UGT1A7: variants seen among roughly 807,000 people sequenced by gnomAD.
The protein encoded by UGT1A7 is UDP-glucuronosyltransferase 1A7.
UGT1A7 carries 33 observed loss-of-function variants against 45.6 expected under a neutral mutation model. That is an observed-to-expected ratio of 0.72 (90% CI 0.55 to 0.97). The LOEUF is 0.97. Ranked by LOEUF, UGT1A7 falls within the 50% of genes least tolerant of loss-of-function variation. The pLI is 0.00. For synonymous variants in UGT1A7, 274 were observed against 250.6 expected (o/e 1.09, Z -0.88); for missense variants, 684 against 666.2 (o/e 1.03, Z -0.29).
In UGT1A7 at chr2:233,761,168, G is replaced by T. The variant is rs747133515; in HGVS notation, c.856-5866G>T. 6 of 1,614,050 alleles carry T rather than the reference G, an allele frequency of 3.7e-6. No individual in the cohort carries two copies. In the African/African-American group the frequency reaches 8.0e-5, roughly 22 times the overall value. On this transcript the variant is annotated intron_variant, in intron 1 of 4. Transcript: ENST00000373426. ...CTATCCCAGGTGTGTATTGGAGTGG[G>T]ACTTTTACATGCGTATATTCTTTCA...
In UGT1A7 at chr2:233,768,295, C is replaced by G; in HGVS notation, c.1151C>G (p.Pro384Arg). The part of the protein sequence containing the change: ...GVYESICNGV[P>R]MVMMPLFGDQ... ...TATGAAAGCATATGCAATGGCGTTC[C>G]CATGGTGATGATGCCCTTGTTTGGT... The change falls in exon 4 of 5, where the codon CCC (proline) becomes CGC (arginine). Residue 384 changes from proline (P) to arginine (R), a missense_variant. Physicochemically the swap from Pro to Arg is moderately radical, Grantham distance 103 (BLOSUM62 -2). Transcript: ENST00000373426. 6.2e-7 allele frequency: 1 copy of G among 1,614,158 alleles called. No individual in the cohort carries two copies. Among genetic ancestry groups the G allele is most frequent in the Admixed American group, 1.7e-5 (1 of 60,024 alleles).
chr2:233,762,062 A>G (rs1056836551), intron 1 of UGT1A7, among the ~76,000 whole-genome samples: 8 of 152,148 alleles, frequency 5.3e-5, no homozygotes, highest in Non-Finnish European at 8.8e-5. Flanking sequence ...TTCATAGCAC[A>G]TCAAATATGG....
In UGT1A7 at chr2:233,729,602, C is replaced by T. The variant is rs746977069; in HGVS notation, c.856-37432C>T. 10 of 1,613,864 alleles carry T rather than the reference C, an allele frequency of 6.2e-6. No homozygotes were observed. Among genetic ancestry groups the T allele is most frequent in the African/African-American group, 5.3e-5 (4 of 74,870 alleles). On this transcript the variant is annotated intron_variant, in intron 1 of 4. Coordinates refer to ENST00000373426, the MANE Select transcript of UGT1A7 (RefSeq NM_019077.3). ...ACAGACCCCGTTAACCTCTGCGCGG[C>T]AGTGCTGGCTAAGTACCTGTCGATT...
chr2:233,729,686 G>A (rs1336517970), intron 1 of UGT1A7: 2 of 1,613,912 alleles, frequency 1.2e-6, no homozygotes, highest in Admixed American at 1.7e-5. Context: ...GGCACACAGT[G>A]TCCAAACCCT....
Position 233,769,464 on chromosome 2 carries a change from C to T in UGT1A7, c.1295+1025C>T, listed in dbSNP as rs557481865. The T allele has an allele frequency of 3.3e-5, 50 of 1,503,294 alleles. No individual in the cohort carries two copies. The highest frequency in any genetic ancestry group is 4.1e-5 in the African/African-American group (3 of 72,468). 93.1% of individuals were successfully genotyped at this position (1,503,294 alleles called of 1,614,324 possible). A position where few individuals can be genotyped will look rare whatever the true frequency, so the allele number is the denominator to read the frequency against. ...GGGTGCACACGTGTGCATTCATATG[C>T]GTGTGTGTGTGTGTGCGTGTGTTTA... On this transcript the variant is annotated intron_variant, in intron 4 of 4. Coordinates refer to ENST00000373426, the MANE Select transcript of UGT1A7 (RefSeq NM_019077.3). This position sits in a 1 kb window ranked among gnomAD's most constrained non-coding sequence, Gnocchi z 4.4.
rs780354743 is a variant in UGT1A7 at position 233,767,874 on chromosome 2, G to A, written c.1013G>A (p.Arg338Gln). Residue 338 changes from arginine to glutamine, a missense_variant, in exon 3 of 5, where the codon CGA becomes CAA. Coordinates refer to ENST00000373426, the MANE Select transcript of UGT1A7 (RefSeq NM_019077.3). ...QTVLWRYTGT[R>Q]PSNLANNTIL... ...GTCCTGTGGCGGTACACTGGAACCC[G>A]ACCATCGAATCTTGCGAACAACACG... 28 of 1,613,980 alleles carry A rather than the reference G, an allele frequency of 1.7e-5. No individual in the cohort carries two copies. Among genetic ancestry groups the A allele is most frequent in the Admixed American group, 1.0e-4 (6 of 59,998 alleles).
chr2:233,691,597 G>A (rs913844401), intron 1 of UGT1A7: 3 of 985,688 alleles, frequency 3.0e-6, no homozygotes, highest in Non-Finnish European at 3.6e-6. Context: ...TTCTACACAG[G>A]TCTTGCTCTG....
At chr2:233,687,309 C>T (rs1191549339) in intron 1 of UGT1A7, among the ~76,000 whole-genome samples, 1 of 152,082 alleles carries the variant, frequency 6.6e-6, no homozygotes, top group Non-Finnish European at 1.5e-5. Context: ...TCAATGTTGT[C>T]TTCTTGATGC....
chr2:233,689,784 G>T (rs905973456), intron 1 of UGT1A7: 5 of 409,516 alleles, frequency 1.2e-5, no homozygotes, highest in Non-Finnish European at 2.4e-5. Flanking sequence ...CATATGTTAT[G>T]ATGTGATCTG....
At position 233,721,862 on chromosome 2, in the gene UGT1A7, T is replaced by C. The variant is rs1254741944; in HGVS notation, c.855+39070T>C. Reference sequence around the variant, plus strand: ...TGTGTCCAGCCCCACTGCTCGGCCCTGGGCACACTTGCCAGCCCCTCCATT... The same window carrying C: ...TGTGTCCAGCCCCACTGCTCGGCCCCGGGCACACTTGCCAGCCCCTCCATT... On this transcript the variant is annotated intron_variant, in intron 1 of 4. Coordinates refer to ENST00000373426, the MANE Select transcript of UGT1A7 (RefSeq NM_019077.3). 6 of 506,358 alleles carry C rather than the reference T, an allele frequency of 1.2e-5. No individual in the cohort carries two copies. The Admixed American group carries it at 1.2e-4, about 10-fold the overall frequency. The allele number at this position is 506,358 out of a possible 1,614,324, so 31.4% of individuals were successfully genotyped here.
At chr2:233,753,529 A>G (rs538276746) in intron 1 of UGT1A7, 1 of 152,278 alleles carries the variant, frequency 6.6e-6, no homozygotes, top group East Asian at 1.9e-4. Flanking sequence ...TTTTGCTCTC[A>G]TGCAAACTTT....
At chr2:233,696,056 A>T (rs1035771906) in intron 1 of UGT1A7, among the ~76,000 whole-genome samples, 12 of 152,254 alleles carry the variant, frequency 7.9e-5, no homozygotes, top group Non-Finnish European at 1.6e-4. Flanking sequence ...AATGTAAATT[A>T]GTACAGCCAC....
At chr2:233,729,770 T>C in intron 1 of UGT1A7, 1 of 1,613,988 alleles carries the variant, frequency 6.2e-7, no homozygotes, top group South Asian at 1.1e-5. Flanking sequence ...AAGAACATGC[T>C]CTACCCTCTG....
chr2:233,709,314 G>A (rs1055601324), intron 1 of UGT1A7, among the ~76,000 whole-genome samples: 31 of 152,226 alleles, frequency 2.0e-4, no homozygotes, highest in Non-Finnish European at 2.2e-4. Flanking sequence ...TTAGATGTCA[G>A]ATTTTTTGTT....
At chr2:233,687,867 C>G (rs1299478356) in intron 1 of UGT1A7, among the ~76,000 whole-genome samples, 2 of 152,166 alleles carry the variant, frequency 1.3e-5, no homozygotes, top group Non-Finnish European at 2.9e-5. Flanking sequence ...ATGACTATTC[C>G]ACTCCACTCC....
At chr2:233,724,379 C>G (rs1274419342) in intron 1 of UGT1A7, among the ~76,000 whole-genome samples, 1 of 145,692 alleles carries the variant, frequency 6.9e-6, no homozygotes, top group South Asian at 2.4e-4. Context: ...GGCTGCCGGG[C>G]GGAGACGCTC....
chr2:233,728,954 G>A (rs2077771414), intron 1 of UGT1A7, among the ~76,000 whole-genome samples: 1 of 150,840 alleles, frequency 6.6e-6, no homozygotes, highest in Admixed American at 6.6e-5. Flanking sequence ...GGGGCCCACA[G>A]TGAAAAACAG....
chr2:233,691,608 G>C (rs2075049799), intron 1 of UGT1A7: 1 of 985,544 alleles, frequency 1.0e-6, no homozygotes, highest in East Asian at 1.1e-4. Flanking sequence ...TCTTGCTCTG[G>C]GACCGCCCTC....
At chr2:233,766,480 T>C (rs1299744322) in intron 1 of UGT1A7, among the ~76,000 whole-genome samples, 1 of 152,128 alleles carries the variant, frequency 6.6e-6, no homozygotes, top group African/African-American at 2.4e-5. Flanking sequence ...AGGCACATGA[T>C]GGGGGCGTGG....
Sources: gnomAD v4.1 joint callset for allele counts (sites outside exome capture counted in the v4.1 genomes callset) on GRCh38, gnomAD v4.1.1 for gene constraint, Gnocchi (gnomAD v3.1) non-coding constraint, MANE v1.5 for transcripts, NCBI Gene and HGNC (gene_info 2026-07-23, HGNC 2026-07-21) for gene names.